METTL25: variants seen among roughly 807,000 people sequenced by gnomAD.
METTL25 encodes methyltransferase like 25.
Under a neutral mutation model 71.6 loss-of-function variants are expected in METTL25, and 64 were observed. The observed-to-expected ratio is 0.89, with a 90% CI of 0.73 to 1.10. The LOEUF is 1.10. METTL25 is among the 50% of genes least tolerant of loss of function. The pLI is 0.00. For synonymous variants in METTL25, 287 were observed against 250.3 expected, an observed-to-expected ratio of 1.15 and a Z score of -1.38; for missense variants, 807 against 707.0, an observed-to-expected ratio of 1.14 and a Z score of -1.60.
At chr12:82,364,405 C>G (rs573342695) in intron 1 of METTL25, among the ~76,000 whole-genome samples, 1 of 152,264 alleles carries the variant, frequency 6.6e-6, no homozygotes, top group South Asian at 2.1e-4. Flanking sequence ...TTTGTGGCAA[C>G]TTTGTGTTTA....
chr12:82,401,678 A>C (rs1199324104), intron 4 of METTL25, among the ~76,000 whole-genome samples: 1 of 152,040 alleles, frequency 6.6e-6, no homozygotes, highest in Non-Finnish European at 1.5e-5. Context: ...TTACAGCTTT[A>C]AGATTAATTT....
At chr12:82,420,868 T>C (rs1474564329) in intron 5 of METTL25, among the ~76,000 whole-genome samples, 2 of 150,994 alleles carry the variant, frequency 1.3e-5, no homozygotes, top group African/African-American at 2.4e-5. Context: ...TTTTTTTCTC[T>C]TTTTGGAGGT....
chr12:82,402,595 AAC>A (rs1401054564), intron 4 of METTL25, among the ~76,000 whole-genome samples: 1 of 152,210 alleles, frequency 6.6e-6, no homozygotes, highest in Non-Finnish European at 1.5e-5. Flanking sequence ...TGAAAATAAA[AAC>A]ATAGAATACT....
rs952742325 is a variant in METTL25, at chr12:82,430,990, A to G, written c.1374+3A>G. The G allele has an allele frequency of 6.4e-6, 10 of 1,572,558 alleles. No homozygotes were observed. Among genetic ancestry groups the G allele is most frequent in the Non-Finnish European group, 8.7e-6 (10 of 1,150,348 alleles). ...ATGCCAGAATGTCAGCATGTTTGGTATGGTTATATTTTTTCCTGGAGTAAC... is the reference window on the plus strand; with the variant it reads ...ATGCCAGAATGTCAGCATGTTTGGTGTGGTTATATTTTTTCCTGGAGTAAC... On this transcript the variant is annotated splice_donor_region_variant and intron_variant, in intron 6 of 11. Transcript: ENST00000248306.
rs1424186371 is a variant in METTL25, at chr12:82,398,371, A to C, written c.532-424A>C. 2.0e-5 allele frequency among the ~76,000 whole-genome samples: 3 copies of C among 151,932 alleles called. No individual in the cohort carries two copies. In the East Asian group the frequency reaches 5.8e-4, roughly 29 times the overall value. On this transcript the variant is annotated intron_variant, in intron 3 of 11. Transcript: ENST00000248306. ...GCTGGGACTATAGGTTTGAGCCACC[A>C]AGCTTGACTCCTAATTGTTTTTTGC...
chr12:82,478,752 A>G (rs960005004), intron 11 of METTL25, among the ~76,000 whole-genome samples, 180 bp from the exon 12 acceptor site: 2 of 151,964 alleles, frequency 1.3e-5, no homozygotes, highest in Non-Finnish European at 2.9e-5. Flanking sequence ...TTGTTTCCTC[A>G]GCATAAACTT....
At chr12:82,397,640 T>C (rs184762753) in intron 3 of METTL25, among the ~76,000 whole-genome samples, 3 of 152,160 alleles carry the variant, frequency 2.0e-5, no homozygotes, top group Non-Finnish European at 2.9e-5. Flanking sequence ...ACAAAAATTT[T>C]TTTTCTTTTT....
At chr12:82,384,608 C>A (rs568696502) in intron 1 of METTL25, among the ~76,000 whole-genome samples, 2 of 148,324 alleles carry the variant, frequency 1.3e-5, no homozygotes, top group East Asian at 3.9e-4. Flanking sequence ...AGAAAACTAC[C>A]CTTTTTTAAA....
Position 82,403,139 on chromosome 12 carries a change from TC to T in METTL25, c.1279+13del, listed in dbSNP as rs1159044532. On this transcript the variant is annotated intron_variant, in intron 5 of 11. Transcript: ENST00000248306. Reference sequence around the variant, plus strand: ...TGAAAACCAGCATAAAGGTACAAGTTCCCCATGTGTCATAATTTTTATTCAT... The same window carrying T: ...TGAAAACCAGCATAAAGGTACAAGTTCCCATGTGTCATAATTTTTATTCAT... The T allele has an allele frequency of 4.4e-6, 7 of 1,598,484 alleles. No individual in the cohort carries two copies. The African/African-American group carries it at 8.1e-5, about 19-fold the overall frequency.
At chr12:82,361,439 G>A (rs539282326) in intron 1 of METTL25, among the ~76,000 whole-genome samples, 10 of 152,296 alleles carry the variant, frequency 6.6e-5, no homozygotes, top group African/African-American at 1.9e-4. Context: ...TTGGGCGGTC[G>A]ATGGGACCAG....
At chr12:82,461,034 T>A (rs1411971752) in intron 9 of METTL25, among the ~76,000 whole-genome samples, 2 of 152,024 alleles carry the variant, frequency 1.3e-5, no homozygotes, top group Non-Finnish European at 2.9e-5. Flanking sequence ...TCCCAGCTAC[T>A]CAGGAGGCTG....
chr12:82,441,271 C>T (rs890928980), intron 8 of METTL25, among the ~76,000 whole-genome samples: 7 of 141,148 alleles, frequency 5.0e-5, no homozygotes, highest in Admixed American at 4.5e-4. Flanking sequence ...TAAATCTAAG[C>T]CTCAAATTAT....
In METTL25 at chr12:82,359,020, C is replaced by T. The variant is rs1239935915; in HGVS notation, c.259+196C>T. ...TTCTTTGGAATCAGGATCACTCTTTCTTTGGGTGCTTGTGTATGTCCACAA... is the reference window on the plus strand; with the variant it reads ...TTCTTTGGAATCAGGATCACTCTTTTTTTGGGTGCTTGTGTATGTCCACAA... On this transcript the variant is annotated intron_variant, in intron 1 of 11. Coordinates refer to ENST00000248306, the MANE Select transcript of METTL25 (RefSeq NM_032230.3). The T allele has an allele frequency of 1.3e-5, 8 of 628,874 alleles. No homozygotes were observed. The African/African-American group carries it at 1.5e-4, about 12-fold the overall frequency. 39.0% of individuals were successfully genotyped at this position (628,874 alleles called of 1,614,324 possible).
intron 1 of METTL25, among the ~76,000 whole-genome samples, chr12:82,380,309 T>G (rs1884308196): frequency 6.6e-6 from 1 of 152,158 alleles, no homozygotes; most frequent in African/African-American, 2.4e-5. Context: ...TCTCATTATT[T>G]TTTATGGTTG....
intron 2 of METTL25, 96 bp downstream of exon 2, chr12:82,387,063 A>T: frequency 9.9e-7 from 1 of 1,008,524 alleles, no homozygotes; most frequent in South Asian, 1.9e-5. Flanking sequence ...TTATTAATTT[A>T]TTGTTAGACC....
chr12:82,408,285 G>T (rs1887256551), intron 5 of METTL25, among the ~76,000 whole-genome samples: 1 of 152,138 alleles, frequency 6.6e-6, no homozygotes, highest in Non-Finnish European at 1.5e-5. Flanking sequence ...GTGCCAGTTT[G>T]CGGATTCATA....
chr12:82,422,822 A>G (rs1025830157), intron 5 of METTL25, among the ~76,000 whole-genome samples: 29 of 152,320 alleles, frequency 1.9e-4, no homozygotes, highest in African/African-American at 6.5e-4. Flanking sequence ...TAAAATACCT[A>G]GGAATCCACC....
chr12:82,398,496 A>G lies in METTL25; in HGVS notation c.532-299A>G, dbSNP rs112809999. Among the ~76,000 whole-genome samples the G allele has an allele frequency of 2.7e-3, 415 of 152,140 alleles. 3 individuals are homozygous for G. Among genetic ancestry groups the G allele is most frequent in the African/African-American group, 9.3e-3 (388 of 41,546 alleles). ...CTTACTATTTCTGTTAGCTTTTTGT[A>G]TATTCTTTAAGATATTCTGCAGACA... On this transcript the variant is annotated intron_variant, in intron 3 of 11. Transcript: ENST00000248306.
chr12:82,442,085 G>A (rs767267404), intron 8 of METTL25, among the ~76,000 whole-genome samples: 8 of 151,928 alleles, frequency 5.3e-5, no homozygotes, highest in South Asian at 2.1e-4. Flanking sequence ...GACACCCCTC[G>A]TTTCCCCTAC....
Sources: gnomAD v4.1 joint callset for allele counts (sites outside exome capture counted in the v4.1 genomes callset) on GRCh38, gnomAD v4.1.1 for gene constraint, MANE v1.5 for transcripts, NCBI Gene and HGNC (gene_info 2026-07-23, HGNC 2026-07-21) for gene names.